CYP39A1: variants seen among roughly 807,000 people sequenced by gnomAD.
CYP39A1 encodes the protein 24-hydroxycholesterol 7-alpha-hydroxylase.
In CYP39A1, 49 loss-of-function variants were observed where a neutral mutation model predicts 58.1. That is an observed-to-expected ratio of 0.84 (90% CI 0.67 to 1.07). The LOEUF is 1.07. CYP39A1 is among the 50% of genes least tolerant of loss of function. The pLI, the probability that CYP39A1 is intolerant of heterozygous loss-of-function variation, is 0.00. For synonymous variants in CYP39A1, 209 were observed against 187.6 expected (o/e 1.11, Z -0.93); for missense variants, 531 against 539.4 (o/e 0.98, Z 0.16).
intron 10 of CYP39A1, among the ~76,000 whole-genome samples, chr6:46,568,262 T>C (rs983726730): frequency 6.6e-6 from 1 of 152,128 alleles, no homozygotes; most frequent in African/African-American, 2.4e-5. Flanking sequence ...TATTTTGTTG[T>C]TGAGTTTTAG....
chr6:46,591,621 T>C (rs1018928817), intron 8 of CYP39A1, among the ~76,000 whole-genome samples: 1 of 152,116 alleles, frequency 6.6e-6, no homozygotes, highest in Non-Finnish European at 1.5e-5. Context: ...ATAGCTAATA[T>C]TGATAGATTT....
chr6:46,576,550 G>A (rs1447239716), intron 10 of CYP39A1, among the ~76,000 whole-genome samples: 1 of 152,166 alleles, frequency 6.6e-6, no homozygotes, highest in Admixed American at 6.5e-5. Context: ...TGGCAAGGAA[G>A]CTCATCAAGA....
chr6:46,595,038 C>T lies in CYP39A1; in HGVS notation c.1065+949G>A, dbSNP rs1476088255. Among the ~76,000 whole-genome samples the T allele has an allele frequency of 2.0e-5, 3 of 151,852 alleles. No individual in the cohort carries two copies. In the East Asian group the frequency reaches 5.8e-4, roughly 29 times the overall value. ...TAGACATTTCTCAAAAGAAGGCATACAAATGGCCAACAGGTATAAAAAAAT... is the reference window on the plus strand; with the variant it reads ...TAGACATTTCTCAAAAGAAGGCATATAAATGGCCAACAGGTATAAAAAAAT... On this transcript the variant is annotated intron_variant, in intron 8 of 11. Transcript: ENST00000275016.
intron 8 of CYP39A1, 51 bp downstream of exon 8, chr6:46,595,936 T>G: frequency 6.4e-7 from 1 of 1,563,504 alleles, no homozygotes; most frequent in Non-Finnish European, 8.7e-7. Flanking sequence ...GGGCAAAATG[T>G]GTACTTTTTT....
intron 7 of CYP39A1, among the ~76,000 whole-genome samples, chr6:46,612,793 A>G (rs997769561): frequency 1.3e-5 from 2 of 152,246 alleles, no homozygotes; most frequent in Admixed American, 6.5e-5. Flanking sequence ...TGGGCAATGC[A>G]TCGCACAAGG....
chr6:46,596,095 C>T lies in CYP39A1; in HGVS notation c.957G>A (p.Glu319=). ...TTAGAAGGAGATTCTCCAGGTCATC[C>T]TCAGACACTTTAATCTTATCTTTGC... ...KAGKDKIKVS[E]DDLENLLLIK... Residue 319 remains glutamate (E), a synonymous_variant, in exon 8 of 12, where the codon GAG becomes GAA. Transcript: ENST00000275016. The T allele has an allele frequency of 5.0e-6, 8 of 1,608,520 alleles. No individual in the cohort carries two copies. Among genetic ancestry groups the T allele is most frequent in the South Asian group, 1.1e-5 (1 of 89,830 alleles).
At chr6:46,634,548 G>A (rs1210164016) in intron 5 of CYP39A1, among the ~76,000 whole-genome samples, 1 of 138,434 alleles carries the variant, frequency 7.2e-6, no homozygotes, top group African/African-American at 2.7e-5. Flanking sequence ...TTGAGATGGA[G>A]TTTCACTCTG....
intron 10 of CYP39A1, among the ~76,000 whole-genome samples, chr6:46,559,816 C>T (rs957372513): frequency 3.9e-5 from 6 of 152,196 alleles, no homozygotes; most frequent in Non-Finnish European, 8.8e-5. Context: ...AGTAAAGCGA[C>T]ACTTAGATTA....
rs907438685 is a variant in CYP39A1, at chr6:46,580,764, A to G, written c.1250+6313T>C. 2.0e-5 allele frequency among the ~76,000 whole-genome samples: 3 copies of G among 152,162 alleles called. No individual in the cohort carries two copies. In the East Asian group the frequency reaches 5.8e-4, roughly 29 times the overall value. On this transcript the variant is annotated intron_variant, in intron 10 of 11. Coordinates refer to ENST00000275016, the MANE Select transcript of CYP39A1 (RefSeq NM_016593.5). ...TATAAAAAACTGTTCAACATTACCA[A>G]TCGTTAGAGAAATGCAAATGAAAAC...
At chr6:46,597,255 C>T (rs1293063012) in intron 7 of CYP39A1, among the ~76,000 whole-genome samples, 1 of 152,088 alleles carries the variant, frequency 6.6e-6, no homozygotes, top group Non-Finnish European at 1.5e-5. Context: ...CTGAGACAGG[C>T]TGTACCAGTA....
chr6:46,607,698 G>A (rs1055775093), intron 7 of CYP39A1, among the ~76,000 whole-genome samples: 4 of 152,112 alleles, frequency 2.6e-5, no homozygotes, highest in African/African-American at 9.7e-5. Flanking sequence ...AGAAGGTGGG[G>A]TTGCAAAGTG....
At chr6:46,606,045 A>G (rs1262938644) in intron 7 of CYP39A1, among the ~76,000 whole-genome samples, 2 of 152,178 alleles carry the variant, frequency 1.3e-5, no homozygotes, top group Non-Finnish European at 2.9e-5. Flanking sequence ...ACAGTGACCT[A>G]CATATTGCAT....
chr6:46,613,792 A>G (rs1774360951), intron 7 of CYP39A1, among the ~76,000 whole-genome samples: 1 of 151,612 alleles, frequency 6.6e-6, no homozygotes. Flanking sequence ...TTACTTTATA[A>G]CACAGCCTAC....
chr6:46,614,103 C>T (rs1359246333), intron 7 of CYP39A1, among the ~76,000 whole-genome samples: 1 of 151,902 alleles, frequency 6.6e-6, no homozygotes, highest in African/African-American at 2.4e-5. Flanking sequence ...ATCTGTGATA[C>T]TAAATAGCTT....
chr6:46,650,017 T>C (rs950192298), intron 1 of CYP39A1, among the ~76,000 whole-genome samples: 2 of 151,856 alleles, frequency 1.3e-5, no homozygotes, highest in Non-Finnish European at 2.9e-5. Context: ...CAATTTCGCA[T>C]CAAGTCTACT....
chr6:46,583,094 C>T, intron 10 of CYP39A1: 1 of 985,376 alleles, frequency 1.0e-6, no homozygotes, highest in Non-Finnish European at 1.2e-6. Context: ...AAGACCCAAA[C>T]ATACACAAAA....
In CYP39A1 at chr6:46,630,994, A is replaced by C; in HGVS notation, c.809T>G (p.Leu270Arg). The change falls in exon 6 of 12, where the codon CTG becomes CGG. Residue 270 changes from leucine to arginine, a missense_variant. Coordinates refer to ENST00000275016, the MANE Select transcript of CYP39A1 (RefSeq NM_016593.5). ...KENSPNYGLL[L>R]LWASLSNAVP... ...AGCATTAGACAGAGAAGCCCAAAGC[A>C]GTAAGAGCCCATAATTGGGTGAGTT... 6.2e-7 allele frequency: 1 copy of C among 1,614,036 alleles called. No homozygotes were observed. Among genetic ancestry groups the C allele is most frequent in the South Asian group, 1.1e-5 (1 of 91,080 alleles).
intron 7 of CYP39A1, among the ~76,000 whole-genome samples, chr6:46,615,736 A>G (rs1774495874): frequency 8.1e-6 from 1 of 123,164 alleles, no homozygotes; most frequent in Admixed American, 1.0e-4. Flanking sequence ...CTCTGGAATA[A>G]AAAAAAAAAA....
intron 7 of CYP39A1, among the ~76,000 whole-genome samples, chr6:46,619,299 A>T (rs1176282816): frequency 6.6e-6 from 1 of 152,114 alleles, no homozygotes; most frequent in Non-Finnish European, 1.5e-5. Flanking sequence ...ATATTCTTAC[A>T]TTTGTTCATT....
Sources: gnomAD v4.1 joint callset for allele counts (sites outside exome capture counted in the v4.1 genomes callset) on GRCh38, gnomAD v4.1.1 for gene constraint, MANE v1.5 for transcripts, NCBI Gene and HGNC (gene_info 2026-07-23, HGNC 2026-07-21) for gene names.